SLF1: variants seen among roughly 807,000 people sequenced by gnomAD.
SLF1 encodes the protein SMC5-SMC6 complex localization factor protein 1.
SLF1 carries 105 observed loss-of-function variants against 123.0 expected under a neutral mutation model. The ratio of observed to expected loss-of-function variants is 0.85; its 90% confidence interval spans 0.73 to 1.00. SLF1 has a LOEUF of 1.00. SLF1 is among the 50% of genes least tolerant of loss of function. The pLI is 0.00. For missense variants in SLF1, 1,239 were observed against 1,223.0 expected, an observed-to-expected ratio of 1.01 and a Z score of -0.20; for synonymous variants, 434 against 406.6, an observed-to-expected ratio of 1.07 and a Z score of -0.81.
At chr5:94,677,049 C>T (rs563733549) in intron 14 of SLF1, among the ~76,000 whole-genome samples, 1 of 152,206 alleles carries the variant, frequency 6.6e-6, no homozygotes, top group South Asian at 2.1e-4. Flanking sequence ...AACTCTAATA[C>T]ACTGAAATAC....
rs371785428 is a variant in SLF1, at chr5:94,689,459, A to T, written c.2286-14A>T. The T allele has an allele frequency of 3.1e-6, 5 of 1,600,646 alleles. No individual in the cohort carries two copies. The highest frequency in any genetic ancestry group is 1.4e-5 in the African/African-American group (1 of 73,934). The stretch of plus-strand genomic sequence containing the variant: ...GAAAAACAAGCTTTCATTATTTCTT[A>T]CTTTTCCTTTCAGAGACCTGAACCT... On this transcript the variant is annotated splice_polypyrimidine_tract_variant and intron_variant, in intron 17 of 20. Coordinates refer to ENST00000265140, the MANE Select transcript of SLF1 (RefSeq NM_032290.4).
At chr5:94,693,769 T>A (rs1207406455) in intron 20 of SLF1, among the ~76,000 whole-genome samples, 2 of 151,214 alleles carry the variant, frequency 1.3e-5, no homozygotes, top group Non-Finnish European at 3.0e-5. Context: ...TTTTTTTTTT[T>A]AAACAGAAGT....
intron 18 of SLF1, 66 bp from the exon 19 acceptor site, chr5:94,691,498 C>T: frequency 7.6e-7 from 1 of 1,320,744 alleles, no homozygotes; most frequent in Non-Finnish European, 1.0e-6. Context: ...AGTTCATGCC[C>T]TTTGATTATT....
chr5:94,653,758 T>C (rs964039218), intron 8 of SLF1, among the ~76,000 whole-genome samples: 1 of 152,178 alleles, frequency 6.6e-6, no homozygotes, highest in African/African-American at 2.4e-5. Context: ...TAATGTAAAT[T>C]TTATTTTGCT....
At chr5:94,665,547 A>G (rs2032813) in intron 11 of SLF1, among the ~76,000 whole-genome samples, 33,865 of 152,144 alleles carry the variant, frequency 0.22, 3,889 homozygotes, top group East Asian at 0.34. Flanking sequence ...TCGGGAGTTC[A>G]AGACTAGCCT....
intron 4 of SLF1, among the ~76,000 whole-genome samples, chr5:94,641,595 C>T (rs1188696350): frequency 1.3e-5 from 2 of 152,092 alleles, no homozygotes; most frequent in South Asian, 2.1e-4. Flanking sequence ...AATGCTGGAG[C>T]GTTTCTCATC....
chr5:94,654,837 A>G (rs1032588953), intron 9 of SLF1, 85 bp downstream of exon 9: 11 of 928,372 alleles, frequency 1.2e-5, no homozygotes, highest in Middle Eastern at 4.0e-4. Flanking sequence ...ACATATATAC[A>G]TATGATTCAT....
At position 94,696,616 on chromosome 5, in the gene SLF1, T is replaced by C. The variant is rs1188086895; in HGVS notation, c.*1304T>C. On this transcript the variant is annotated 3_prime_UTR_variant, in exon 21 of 21. Coordinates refer to ENST00000265140, the MANE Select transcript of SLF1 (RefSeq NM_032290.4). Reference sequence around the variant, plus strand: ...ATAGAGAGTAAAGTGCTTCTCCAGATGATGAATAAGAACGTTTTTTATTCC... The same window carrying C: ...ATAGAGAGTAAAGTGCTTCTCCAGACGATGAATAAGAACGTTTTTTATTCC... The C allele has an allele frequency of 6.6e-6, 1 of 151,850 alleles. No individual in the cohort carries two copies. The highest frequency in any genetic ancestry group is 1.5e-5 in the Non-Finnish European group (1 of 67,840). The allele number at this position is 151,850 out of a possible 1,614,324, so 9.4% of individuals were successfully genotyped here. A position where few individuals can be genotyped will look rare whatever the true frequency, so the allele number is the denominator to read the frequency against.
At chr5:94,686,798 T>C in intron 16 of SLF1, 80 bp downstream of exon 16, 1 of 1,434,778 alleles carries the variant, frequency 7.0e-7, no homozygotes, top group South Asian at 1.4e-5. Flanking sequence ...TAGTTATTTA[T>C]TTATTTTGAG....
chr5:94,638,351 T>G (rs146154207), intron 4 of SLF1, among the ~76,000 whole-genome samples: 64 of 152,118 alleles, frequency 4.2e-4, no homozygotes, highest in African/African-American at 1.3e-3. Context: ...CTAATTTTTT[T>G]TGTGTTTTTA....
At chr5:94,652,845 C>T (rs1050844803) in intron 7 of SLF1, among the ~76,000 whole-genome samples, 1 of 151,962 alleles carries the variant, frequency 6.6e-6, no homozygotes, top group African/African-American at 2.4e-5. Context: ...TTCTGTTGTA[C>T]GTACTTCTTT....
At chr5:94,629,223 G>A in intron 3 of SLF1, 56 bp downstream of exon 3, 1 of 1,323,916 alleles carries the variant, frequency 7.6e-7, no homozygotes, top group Non-Finnish European at 1.0e-6. Context: ...TAAAGCAAAA[G>A]TATTTTAGTC....
Position 94,653,304 on chromosome 5 carries a change from G to C in SLF1, c.915G>C (p.Gln305His), listed in dbSNP as rs1747971654. ...KEIKKKDEDI[Q>H]RSYTLRRKRK... is the part of the protein sequence containing the mutation. Reference sequence around the variant, plus strand: ...TTAAGAAAAAAGATGAAGATATTCAGAGGAGTTATACTTTGAGGAGAAAAC... The same window carrying C: ...TTAAGAAAAAAGATGAAGATATTCACAGGAGTTATACTTTGAGGAGAAAAC... Residue 305 changes from glutamine (Q) to histidine (H), a missense_variant, in exon 8 of 21, where the codon CAG (glutamine) becomes CAC (histidine). Gln to His is a conservative substitution (Grantham distance 24). Coordinates refer to ENST00000265140, the MANE Select transcript of SLF1 (RefSeq NM_032290.4). 2.6e-6 allele frequency: 4 copies of C among 1,532,366 alleles called. No homozygotes were observed. Among genetic ancestry groups the C allele is most frequent in the Non-Finnish European group, 3.5e-6 (4 of 1,140,728 alleles). The allele number at this position is 1,532,366 out of a possible 1,614,324, so 94.9% of individuals were successfully genotyped here.
chr5:94,650,575 A>G (rs1243188245), intron 6 of SLF1, among the ~76,000 whole-genome samples: 1 of 152,188 alleles, frequency 6.6e-6, no homozygotes, highest in Non-Finnish European at 1.5e-5. Flanking sequence ...CATGTTAACC[A>G]GGATGGTCTC....
At chr5:94,690,742 T>A (rs1018429837) in intron 18 of SLF1, among the ~76,000 whole-genome samples, 10 of 151,534 alleles carry the variant, frequency 6.6e-5, no homozygotes, top group South Asian at 2.1e-4. Flanking sequence ...GTAATTTTTT[T>A]AAAATTCCCC....
intron 20 of SLF1, among the ~76,000 whole-genome samples, chr5:94,693,369 C>T (rs896633274): frequency 1.3e-5 from 2 of 151,858 alleles, no homozygotes; most frequent in South Asian, 2.1e-4. Context: ...TCTACTCAGC[C>T]GTGTGTCTGG....
intron 5 of SLF1, among the ~76,000 whole-genome samples, chr5:94,647,665 T>G (rs938934841): frequency 6.6e-6 from 1 of 152,248 alleles, no homozygotes; most frequent in African/African-American, 2.4e-5. Context: ...AAGTTGACAC[T>G]AAGATACTTA....
chr5:94,623,494 TC>T (rs1401338035), intron 1 of SLF1, among the ~76,000 whole-genome samples: 1 of 151,960 alleles, frequency 6.6e-6, no homozygotes, highest in Non-Finnish European at 1.5e-5. Context: ...TTTTTTTCCC[TC>T]CTTTTTTTTG....
intron 4 of SLF1, among the ~76,000 whole-genome samples, chr5:94,638,990 C>G (rs1328963899): frequency 7.0e-6 from 1 of 143,192 alleles, no homozygotes; most frequent in South Asian, 2.3e-4. Context: ...TGAATTAAAT[C>G]TAGTATCTTG....
Sources: gnomAD v4.1 joint callset for allele counts (sites outside exome capture counted in the v4.1 genomes callset) on GRCh38, gnomAD v4.1.1 for gene constraint, MANE v1.5 for transcripts, NCBI Gene and HGNC (gene_info 2026-07-23, HGNC 2026-07-21) for gene names.